MORC1: variants seen among roughly 807,000 people sequenced by gnomAD.
MORC1 encodes MORC family CW-type zinc finger protein 1.
MORC1 carries 59 observed loss-of-function variants against 134.9 expected under a neutral mutation model. The observed-to-expected ratio is 0.44, with a 90% CI of 0.35 to 0.54. MORC1 has a LOEUF of 0.54. MORC1 is among the 20% of genes least tolerant of loss of function. The pLI, the probability that MORC1 is intolerant of heterozygous loss-of-function variation, is 0.00. For synonymous variants in MORC1, 395 were observed against 391.7 expected (o/e 1.01, Z -0.10); for missense variants, 947 against 1,134.5 (o/e 0.83, Z 2.37).
intron 21 of MORC1, among the ~76,000 whole-genome samples, chr3:108,994,177 C>T (rs542464876): frequency 1.3e-5 from 2 of 151,438 alleles, no homozygotes; most frequent in South Asian, 4.2e-4. Context: ...TCAGAAAGTG[C>T]TCTGTTCTAG....
At chr3:109,113,753 T>C (rs560598066) in intron 2 of MORC1, among the ~76,000 whole-genome samples, 3 of 150,596 alleles carry the variant, frequency 2.0e-5, no homozygotes, top group Admixed American at 2.0e-4. Context: ...GGTTCCTTAA[T>C]CATTAATACA....
At chr3:108,980,224 C>T (rs1947675247) in intron 23 of MORC1, among the ~76,000 whole-genome samples, 1 of 152,234 alleles carries the variant, frequency 6.6e-6, no homozygotes, top group Non-Finnish European at 1.5e-5. Flanking sequence ...TCACCAGAAA[C>T]TCCCTAGAGG....
chr3:109,086,056 T>C (rs1361469363), intron 8 of MORC1, among the ~76,000 whole-genome samples: 1 of 151,960 alleles, frequency 6.6e-6, no homozygotes, highest in Non-Finnish European at 1.5e-5. Context: ...CTCATTAAGA[T>C]AGAGAGTAGA....
intron 26 of MORC1, among the ~76,000 whole-genome samples, chr3:108,965,022 G>A (rs757148591): frequency 3.9e-5 from 6 of 152,146 alleles, no homozygotes; most frequent in Admixed American, 6.5e-5. Context: ...TTCCTATAGA[G>A]GCTGCAGGCA....
At chr3:109,056,113 T>C (rs1320554048) in intron 13 of MORC1, among the ~76,000 whole-genome samples, 1 of 152,120 alleles carries the variant, frequency 6.6e-6, no homozygotes, top group East Asian at 1.9e-4. Flanking sequence ...AGGGTATTAG[T>C]AGGGGGTGAG....
intron 21 of MORC1, among the ~76,000 whole-genome samples, chr3:108,987,611 C>T (rs906110318): frequency 6.6e-6 from 1 of 151,152 alleles, no homozygotes; most frequent in African/African-American, 2.4e-5. Flanking sequence ...TGCTGGTGTG[C>T]GATTGGGAGG....
At chr3:108,983,981 G>C (rs949306616) in intron 23 of MORC1, among the ~76,000 whole-genome samples, 1 of 152,220 alleles carries the variant, frequency 6.6e-6, no homozygotes, top group Admixed American at 6.5e-5. Context: ...AGGAGTTTGT[G>C]ACTTACCTTA....
chr3:108,999,393 T>G (rs1948330837), intron 21 of MORC1, among the ~76,000 whole-genome samples: 1 of 152,160 alleles, frequency 6.6e-6, no homozygotes. Context: ...TGGTAAACAC[T>G]GGAGCTGGGA....
intron 12 of MORC1, among the ~76,000 whole-genome samples, chr3:109,059,263 C>T (rs1950026980): frequency 1.3e-5 from 2 of 152,114 alleles, no homozygotes; most frequent in African/African-American, 4.8e-5. Flanking sequence ...TTAACTTCTT[C>T]AGCATTTGAG....
rs1950270616 is a variant in MORC1 at position 109,069,548 on chromosome 3, A to G, written c.815+84T>C. 2.3e-5 allele frequency: 30 copies of G among 1,301,512 alleles called. 1 individual carries two copies. In the South Asian group the frequency reaches 4.2e-4, roughly 18 times the overall value. 80.6% of individuals were successfully genotyped at this position (1,301,512 alleles called of 1,614,324 possible). ...TGTAAAAATCTTACTATCAAAGTCAATGTCCTCACTTTGACAACTTTGGGG... is the reference window on the plus strand; with the variant it reads ...TGTAAAAATCTTACTATCAAAGTCAGTGTCCTCACTTTGACAACTTTGGGG... On this transcript the variant is annotated intron_variant, in intron 9 of 27. Transcript: ENST00000232603.
chr3:109,036,155 GAATA>G lies in MORC1; in HGVS notation c.1331-691_1331-688del, dbSNP rs541635734. Among the ~76,000 whole-genome samples, 244 of 152,192 alleles carry G rather than the reference GAATA, an allele frequency of 1.6e-3. 1 individual carries two copies. The highest frequency in any genetic ancestry group is 5.5e-3 in the African/African-American group (228 of 41,544). ...AGTTGGAGATAATGTAAAAGCATAT[GAATA>G]AAGAACTGACAAATTCTGTTCCCCA... On this transcript the variant is annotated intron_variant, in intron 14 of 27. Transcript: ENST00000232603.
intron 26 of MORC1, among the ~76,000 whole-genome samples, chr3:108,965,409 CAT>C (rs779898499): frequency 1.4e-4 from 21 of 152,276 alleles, no homozygotes; most frequent in Non-Finnish European, 2.6e-4. Flanking sequence ...ATGACACACA[CAT>C]ATGATTCCAT....
intron 17 of MORC1, among the ~76,000 whole-genome samples, chr3:109,023,234 A>G (rs1949001571): frequency 6.6e-6 from 1 of 152,234 alleles, no homozygotes; most frequent in African/African-American, 2.4e-5. Context: ...GGAAGTGAAC[A>G]CTTGTAAGAA....
intron 15 of MORC1, among the ~76,000 whole-genome samples, chr3:109,033,417 T>G (rs912127894): frequency 1.3e-5 from 2 of 152,172 alleles, no homozygotes; most frequent in Non-Finnish European, 2.9e-5. Context: ...CTCTCCAGTC[T>G]ATAGTTTCTG....
At chr3:109,024,662 T>C (rs548786027) in intron 17 of MORC1, among the ~76,000 whole-genome samples, 3 of 152,290 alleles carry the variant, frequency 2.0e-5, no homozygotes, top group Admixed American at 6.5e-5. Flanking sequence ...TAAGTGGTCA[T>C]TGGGAGTGGG....
chr3:109,082,742 T>TA (rs992008313), intron 8 of MORC1, among the ~76,000 whole-genome samples: 21 of 148,940 alleles, frequency 1.4e-4, no homozygotes, highest in African/African-American at 4.2e-4. Context: ...GAGCAAAAAG[T>TA]AAAAAAAAAT....
intron 8 of MORC1, among the ~76,000 whole-genome samples, chr3:109,090,681 T>C (rs1486269360): frequency 7.9e-6 from 1 of 126,652 alleles, no homozygotes. Context: ...GTGAAATAAA[T>C]AATGCCAAAA....
At chr3:109,099,981 T>C (rs951746681) in intron 5 of MORC1, among the ~76,000 whole-genome samples, 1 of 152,190 alleles carries the variant, frequency 6.6e-6, no homozygotes, top group Non-Finnish European at 1.5e-5. Context: ...TGGTGGCTCA[T>C]GCCTGTAATT....
rs896470953 is a variant in MORC1 at position 109,094,232 on chromosome 3, G to A, written c.583+677C>T. Among the ~76,000 whole-genome samples the A allele has an allele frequency of 3.3e-5, 5 of 152,240 alleles. 1 individual carries two copies. The South Asian group carries it at 1.0e-3, about 32-fold the overall frequency. On this transcript the variant is annotated intron_variant, in intron 7 of 27. Coordinates refer to ENST00000232603, the MANE Select transcript of MORC1 (RefSeq NM_014429.4). ...CTCCAAGGCATGATTAACAAAAAAA[G>A]TCCAAATTATTTCCAGTTGATTATG... is the stretch of plus-strand genomic sequence containing the variant.
Sources: allele counts gnomAD v4.1 joint callset (sites outside exome capture counted in the v4.1 genomes callset), GRCh38; gene constraint gnomAD v4.1.1; transcripts MANE v1.5; gene names NCBI Gene and HGNC (gene_info 2026-07-23, HGNC 2026-07-21).